The following DLG2 variants were observed in gnomAD, a reference collection of about 807,000 sequenced individuals.
The protein encoded by DLG2 is disks large homolog 2.
In DLG2, 45 loss-of-function variants were observed where a neutral mutation model predicts 132.5. The ratio of observed to expected loss-of-function variants is 0.34; its 90% CI spans 0.27 to 0.44. DLG2 has a LOEUF of 0.44. Ranked by LOEUF, DLG2 falls within the 20% of genes least tolerant of loss-of-function variation. The pLI is 1.00. For synonymous variants in DLG2, 424 were observed against 419.6 expected, an observed-to-expected ratio of 1.01 and a Z score of -0.13; for missense variants, 1,045 against 1,196.9, an observed-to-expected ratio of 0.87 and a Z score of 1.87.
At chr11:85,357,238 TTG>T (rs71036472) in intron 3 of DLG2, among the ~76,000 whole-genome samples, 26,556 of 117,736 alleles carry the variant, frequency 0.23, 2,566 homozygotes, top group Non-Finnish European at 0.26. Flanking sequence ...AATATCCTCT[TTG>T]TGTGTGTGTG....
At chr11:84,795,591 G>A (rs868061805) in intron 6 of DLG2, among the ~76,000 whole-genome samples, 4 of 152,208 alleles carry the variant, frequency 2.6e-5, no homozygotes, top group African/African-American at 9.6e-5. Context: ...CAGGGGACAA[G>A]AACTCAGGAC....
intron 15 of DLG2, among the ~76,000 whole-genome samples, chr11:83,878,314 T>C (rs1296688567): frequency 6.6e-6 from 1 of 152,192 alleles, no homozygotes; most frequent in Non-Finnish European, 1.5e-5. Flanking sequence ...ATACCATGGA[T>C]TGAATTCCAT....
intron 16 of DLG2, among the ~76,000 whole-genome samples, chr11:83,839,312 A>G (rs951716305): frequency 6.6e-6 from 1 of 152,234 alleles, no homozygotes; most frequent in African/African-American, 2.4e-5. Context: ...GTGAAGATAA[A>G]TGACAAAAAA....
chr11:84,889,796 C>G (rs1302449998), intron 6 of DLG2, among the ~76,000 whole-genome samples: 2 of 152,184 alleles, frequency 1.3e-5, no homozygotes, highest in Non-Finnish European at 2.9e-5. Flanking sequence ...GCATGTACAT[C>G]TATCTCCTTT....
At chr11:84,387,579 T>G (rs981171171) in intron 7 of DLG2, among the ~76,000 whole-genome samples, 14 of 152,174 alleles carry the variant, frequency 9.2e-5, no homozygotes, top group African/African-American at 3.4e-4. Context: ...CTAGGTGTGG[T>G]TGGGCATGCA....
rs115832416 is a variant in DLG2 at position 83,565,939 on chromosome 11, C to T, written c.1941-24081G>A. On this transcript the variant is annotated intron_variant, in intron 19 of 27. Coordinates refer to ENST00000376104, the MANE Select transcript of DLG2 (RefSeq NM_001142699.3). ...GTTTTCTGTATGCCATATTGCAGGC[C>T]CCTACTTGCCAATGAGAGAGTTTCT... is the stretch of plus-strand genomic sequence containing the variant. Among the ~76,000 whole-genome samples, 1,456 of 152,246 alleles carry T rather than the reference C, an allele frequency of 9.6e-3. 14 individuals carry two copies. The highest frequency in any genetic ancestry group is 0.03 in the African/African-American group (1,243 of 41,556).
At chr11:83,479,725 A>T (rs1416795121) in intron 22 of DLG2, among the ~76,000 whole-genome samples, 2 of 152,056 alleles carry the variant, frequency 1.3e-5, no homozygotes, top group Non-Finnish European at 2.9e-5. Context: ...ATAGTTACCT[A>T]CCTTTTCAGC....
rs568181595 is a variant in DLG2 at position 84,526,842 on chromosome 11, A to G, written c.519+7728T>C. 8.4e-3 allele frequency among the ~76,000 whole-genome samples: 1,191 copies of G among 141,216 alleles called. 20 individuals are homozygous for G. The highest frequency in any genetic ancestry group is 0.029 in the African/African-American group (1,079 of 37,538). The allele number at this position is 141,216 out of a possible 152,430, so 92.6% of individuals were successfully genotyped here. On this transcript the variant is annotated intron_variant, in intron 7 of 27. Transcript: ENST00000376104. ...CGCCCAGGCTGGAGTGCAGTGGCGCAATCTCGGCTCACTGCAAGCTCCGCC... is the reference window on the plus strand; with the variant it reads ...CGCCCAGGCTGGAGTGCAGTGGCGCGATCTCGGCTCACTGCAAGCTCCGCC...
intron 18 of DLG2, among the ~76,000 whole-genome samples, chr11:83,721,152 G>T (rs1368212266): frequency 6.6e-6 from 1 of 152,046 alleles, no homozygotes; most frequent in Admixed American, 6.6e-5. Context: ...AGAAGAGAAG[G>T]GGGATAGCAG....
At chr11:85,188,489 T>G (rs1198597309) in intron 4 of DLG2, among the ~76,000 whole-genome samples, 2 of 152,118 alleles carry the variant, frequency 1.3e-5, no homozygotes, top group South Asian at 2.1e-4. Context: ...GAAAGCGTGA[T>G]CCATGCTCAA....
intron 15 of DLG2, among the ~76,000 whole-genome samples, chr11:83,884,619 T>C (rs915728598): frequency 5.9e-5 from 9 of 152,164 alleles, no homozygotes; most frequent in African/African-American, 1.9e-4. Context: ...CAGCTGGAGA[T>C]CTGAGGACGG....
chr11:85,436,037 A>G (rs1847721150), intron 3 of DLG2, among the ~76,000 whole-genome samples: 2 of 152,104 alleles, frequency 1.3e-5, no homozygotes, highest in Admixed American at 6.6e-5. Flanking sequence ...TCTTCAACAA[A>G]CCTAAAAAAA....
intron 6 of DLG2, among the ~76,000 whole-genome samples, chr11:84,688,294 C>T (rs1326620825): frequency 6.6e-6 from 1 of 152,192 alleles, no homozygotes; most frequent in African/African-American, 2.4e-5. Flanking sequence ...GGTCTCACCA[C>T]TGCCCACAAC....
intron 6 of DLG2, among the ~76,000 whole-genome samples, chr11:85,001,921 A>T (rs187298975): frequency 6.6e-6 from 1 of 152,176 alleles, no homozygotes; most frequent in African/African-American, 2.4e-5. Flanking sequence ...TTTCTGCTCA[A>T]TTTGGCTATA....
chr11:85,067,616 A>G (rs1308189415), intron 6 of DLG2, among the ~76,000 whole-genome samples: 1 of 151,958 alleles, frequency 6.6e-6, no homozygotes, highest in Admixed American at 6.6e-5. Flanking sequence ...TAGACCAATA[A>G]GAGGCTCTGA....
At chr11:84,288,670 A>G (rs1001003819) in intron 7 of DLG2, among the ~76,000 whole-genome samples, 1 of 152,138 alleles carries the variant, frequency 6.6e-6, no homozygotes, top group Non-Finnish European at 1.5e-5. Context: ...TAATGTATCA[A>G]CAGAAAAACC....
At chr11:83,695,662 C>T (rs1289589786) in intron 18 of DLG2, among the ~76,000 whole-genome samples, 3 of 152,122 alleles carry the variant, frequency 2.0e-5, no homozygotes, top group Admixed American at 1.3e-4. Flanking sequence ...TCACTTAAAC[C>T]TGGGAGGTGG....
chr11:83,458,179 A>G lies in DLG2; in HGVS notation c.*1639T>C, dbSNP rs1324990132. On this transcript the variant is annotated 3_prime_UTR_variant, in exon 28 of 28. Transcript: ENST00000376104. The stretch of plus-strand genomic sequence containing the variant: ...GGGGCTTAGTCTGGGCATGCACAGA[A>G]CCCAGAGTAGAGTGGTTATTATCAC... 1 of 152,602 alleles carries G rather than the reference A, an allele frequency of 6.6e-6. No homozygotes were observed. The highest frequency in any genetic ancestry group is 6.5e-5 in the Admixed American group (1 of 15,282). 9.5% of individuals were successfully genotyped at this position (152,602 alleles called of 1,614,324 possible).
intron 5 of DLG2, among the ~76,000 whole-genome samples, chr11:85,141,861 T>C (rs1298846641): frequency 6.6e-6 from 1 of 151,854 alleles, no homozygotes; most frequent in Non-Finnish European, 1.5e-5. Flanking sequence ...ATTGAGTTCA[T>C]GGTAGATGTA....
Sources: gnomAD v4.1 joint callset for allele counts (sites outside exome capture counted in the v4.1 genomes callset) on GRCh38, gnomAD v4.1.1 for gene constraint, MANE v1.5 for transcripts, NCBI Gene and HGNC (gene_info 2026-07-23, HGNC 2026-07-21) for gene names.